Variants in ADGRE2 observed in about 807,000 individuals in gnomAD.
The protein encoded by ADGRE2 is CD97 antigen.
A neutral mutation model predicts 100.8 loss-of-function variants in ADGRE2; 83 were observed. The observed-to-expected ratio is 0.82, with a 90% CI of 0.69 to 0.99. The LOEUF is 0.99. ADGRE2 is among the 50% of genes least tolerant of loss of function. The pLI is 0.00. For synonymous variants in ADGRE2, 355 were observed against 413.0 expected (o/e 0.86, Z 1.70); for missense variants, 814 against 1,035.7 (o/e 0.79, Z 2.94).
intron 1 of ADGRE2, 48 bp from the exon 2 acceptor site, chr19:14,776,975 TGCACAC>T: frequency 3.1e-6 from 2 of 640,898 alleles, no homozygotes; most frequent in Non-Finnish European, 4.1e-6. Flanking sequence ...CCAGGGGCGC[TGCACAC>T]ACACACACAC....
chr19:14,745,748 G>T (rs1355817315), intron 18 of ADGRE2, among the ~76,000 whole-genome samples: 2 of 152,042 alleles, frequency 1.3e-5, no homozygotes, highest in Non-Finnish European at 2.9e-5. Context: ...GGGACTACAG[G>T]TGCCTGCCAC....
At chr19:14,754,807 C>T (rs1275417213) in intron 14 of ADGRE2, 147 bp downstream of exon 14, 20 of 829,386 alleles carry the variant, frequency 2.4e-5, no homozygotes, top group African/African-American at 5.2e-5. Context: ...TCTTGTAAGA[C>T]CCTGAGCAGA....
chr19:14,770,879 T>C (rs2044180968), intron 5 of ADGRE2, among the ~76,000 whole-genome samples: 1 of 151,656 alleles, frequency 6.6e-6, no homozygotes, highest in Non-Finnish European at 1.5e-5. Context: ...GGGGTTTCAC[T>C]ATGTTTGTCA....
intron 20 of ADGRE2, among the ~76,000 whole-genome samples, chr19:14,739,856 T>C (rs1231938350): frequency 4.6e-5 from 7 of 152,114 alleles, no homozygotes; most frequent in Non-Finnish European, 8.8e-5. Context: ...ATCCCAGCAC[T>C]TTGGGAGGCC....
rs764491168 is a variant in ADGRE2 at position 14,752,502 on chromosome 19, T to C, written c.1615A>G (p.Ile539Val). ...VQEEDPVLTV[I>V]TYMGLSVSLL... ...GAGACGCTCAGCCCCATGTAGGTGA[T>C]GACAGTCAGCACGGGATCCTCCTCC... The change falls in exon 15 of 21, where the codon ATC (isoleucine) becomes GTC (valine). Residue 539 changes from isoleucine (I) to valine (V), a missense_variant. Transcript: ENST00000315576. 2 of 1,614,110 alleles carry C rather than the reference T, an allele frequency of 1.2e-6. No homozygotes were observed. Among genetic ancestry groups the C allele is most frequent in the South Asian group, 1.1e-5 (1 of 91,084 alleles).
In ADGRE2 at chr19:14,777,023, C is replaced by T. The variant is rs528674108; in HGVS notation, c.-171-96G>A. The T allele has an allele frequency of 2.8e-5, 36 of 1,293,054 alleles. No homozygotes were observed. The South Asian group carries it at 6.1e-4, about 22-fold the overall frequency. 80.1% of individuals were successfully genotyped at this position (1,293,054 alleles called of 1,614,324 possible). A position where few individuals can be genotyped will look rare whatever the true frequency, so the allele number is the denominator to read the frequency against. On this transcript the variant is annotated intron_variant, in intron 1 of 20. Transcript: ENST00000315576. Reference sequence around the variant, plus strand: ...ACACACACACACACACACGTGTACTCGCTCAGCAAGAATGAAGTGCAACCT... The same window carrying T: ...ACACACACACACACACACGTGTACTTGCTCAGCAAGAATGAAGTGCAACCT...
intron 11 of ADGRE2, among the ~76,000 whole-genome samples, chr19:14,756,549 C>G (rs779570484): frequency 6.6e-6 from 1 of 152,140 alleles, no homozygotes. Flanking sequence ...ACACAAACCA[C>G]TGAAATCAAC....
chr19:14,762,989 T>C (rs755243793), intron 11 of ADGRE2, among the ~76,000 whole-genome samples: 28 of 152,182 alleles, frequency 1.8e-4, no homozygotes, highest in Non-Finnish European at 3.5e-4. Flanking sequence ...GAACTTGATG[T>C]TATGTGAATT....
At chr19:14,746,148 G>T in intron 18 of ADGRE2, 84 bp downstream of exon 18, 1 of 772,876 alleles carries the variant, frequency 1.3e-6, no homozygotes, top group Non-Finnish European at 2.2e-6. Flanking sequence ...CCTGAGAAGG[G>T]ACCTCAGTGG....
At chr19:14,746,781 TAACCC>T in intron 17 of ADGRE2, 110 bp downstream of exon 17, 2 of 976,356 alleles carry the variant, frequency 2.0e-6, no homozygotes, top group Non-Finnish European at 3.1e-6. Flanking sequence ...TTAGGAAACC[TAACCC>T]AACCCATGAC....
intron 11 of ADGRE2, among the ~76,000 whole-genome samples, chr19:14,761,864 C>T (rs2043738103): frequency 6.6e-6 from 1 of 152,186 alleles, no homozygotes; most frequent in Non-Finnish European, 1.5e-5. Context: ...GACACTGCCT[C>T]CTCAAGCCTG....
rs369180204 is a variant in ADGRE2, at chr19:14,743,754, C to T, written c.2214G>A (p.Leu738=). 1 of 1,614,070 alleles carries T rather than the reference C, an allele frequency of 6.2e-7. No individual in the cohort carries two copies. The highest frequency in any genetic ancestry group is 8.5e-7 in the Non-Finnish European group (1 of 1,180,034). ...RMLAFKATAQ[L]FILGCTWCLG... ...GACACCACGTGCAGCCCAGGATGAA[C>T]AGCTGAGCTGTCGCTTTAAATGCCA... The change falls in exon 19 of 21, where the codon CTG becomes CTA. Residue 738 remains leucine (L), a synonymous_variant. Coordinates refer to ENST00000315576, the MANE Select transcript of ADGRE2 (RefSeq NM_013447.4).
chr19:14,741,091 G>GTTTTTTT (rs71333309), intron 20 of ADGRE2, among the ~76,000 whole-genome samples: 2 of 116,680 alleles, frequency 1.7e-5, no homozygotes, highest in African/African-American at 6.8e-5. Flanking sequence ...TGAATAGGCT[G>GTTTTTTT]TTTTTTTTTT....
intron 20 of ADGRE2, among the ~76,000 whole-genome samples, chr19:14,738,669 C>T (rs1018395293): frequency 1.1e-4 from 16 of 151,926 alleles, no homozygotes; most frequent in Admixed American, 5.9e-4. Flanking sequence ...TGAGCCACTG[C>T]GCCCAGCCTG....
At chr19:14,772,058 A>T in intron 5 of ADGRE2, 1 of 468,192 alleles carries the variant, frequency 2.1e-6, no homozygotes, top group East Asian at 3.8e-5. Flanking sequence ...ATAGATGGGT[A>T]AACCAAGGCT....
At chr19:14,774,363 T>G in intron 2 of ADGRE2, 57 bp from the exon 3 acceptor site, 1 of 1,298,868 alleles carries the variant, frequency 7.7e-7, no homozygotes, top group Non-Finnish European at 1.1e-6. Flanking sequence ...AAAGGAGGCG[T>G]AAGGGTGATG....
chr19:14,743,151 G>T (rs913473502), intron 20 of ADGRE2, among the ~76,000 whole-genome samples: 2 of 151,922 alleles, frequency 1.3e-5, no homozygotes, highest in African/African-American at 4.8e-5. Flanking sequence ...GTTGCCCAGG[G>T]TCATCTTGCA....
chr19:14,736,840 TATATATTTAG>T (rs2042766704), intron 20 of ADGRE2, among the ~76,000 whole-genome samples: 1 of 145,366 alleles, frequency 6.9e-6, no homozygotes, highest in Non-Finnish European at 1.5e-5. Context: ...ATTTAATATC[TATATATTTAG>T]AAATATATAG....
intron 5 of ADGRE2, 181 bp downstream of exon 5, chr19:14,772,161 T>C (rs1264440165): frequency 1.4e-5 from 11 of 814,380 alleles, no homozygotes; most frequent in Non-Finnish European, 1.7e-5. Flanking sequence ...AGTTTTCCCT[T>C]GGCCTTCACA....
Sources: gnomAD v4.1 joint callset for allele counts (sites outside exome capture counted in the v4.1 genomes callset) on GRCh38, gnomAD v4.1.1 for gene constraint, MANE v1.5 for transcripts, NCBI Gene and HGNC (gene_info 2026-07-23, HGNC 2026-07-21) for gene names.